BRAT1: variants seen among roughly 807,000 people sequenced by gnomAD.
BRAT1 encodes integrator complex assembly factor BRAT1.
Under a neutral mutation model 70.6 loss-of-function variants are expected in BRAT1, and 74 were observed. The ratio of observed to expected loss-of-function variants is 1.05; its 90% CI spans 0.87 to 1.27. BRAT1 has a LOEUF of 1.27. Ranked by LOEUF, BRAT1 falls within the 50% of genes most tolerant of loss-of-function variation. The pLI is 0.00. For synonymous variants in BRAT1, 615 were observed against 517.1 expected (o/e 1.19, Z -2.57); for missense variants, 1,203 against 1,098.2 (o/e 1.10, Z -1.35).
chr7:2,538,948 T>G, intron 13 of BRAT1, 184 bp from the exon 14 acceptor site: 2 of 1,449,290 alleles, frequency 1.4e-6, no homozygotes, highest in East Asian at 2.5e-5. Flanking sequence ...TACCCATCTG[T>G]CAAATGGAGG....
chr7:2,538,276 C>G lies in BRAT1; in HGVS notation c.2259G>C (p.Pro753=). The change falls in exon 14 of 14, where the codon CCG becomes CCC. Residue 753 remains proline, a synonymous_variant. Transcript: ENST00000340611. ...GGGCCTGCTCACCCGCCCGCCACCT[C>G]GGCAGGGTGGCCTCTGCGGAGGCAG... The part of the protein sequence containing the change: ...PNTASAEATL[P]RWRAGEQAQP... 6.2e-7 allele frequency: 1 copy of G among 1,611,768 alleles called. No individual in the cohort carries two copies. The highest frequency in any genetic ancestry group is 1.1e-5 in the South Asian group (1 of 91,046).
In BRAT1 at chr7:2,550,237, C is replaced by T. The variant is rs535330647; in HGVS notation, c.128-2759G>A. On this transcript the variant is annotated intron_variant, in intron 2 of 13. Transcript: ENST00000340611. ...ATTGCAGCGATTTGAGAGGCCAAGG[C>T]GGGCAGACTGCTTGAGCCCAGGAGT... 6.6e-5 allele frequency among the ~76,000 whole-genome samples: 10 copies of T among 150,622 alleles called. No individual in the cohort carries two copies. In the East Asian group the frequency reaches 1.2e-3, roughly 18 times the overall value.
rs1485917399 is a variant in BRAT1 at position 2,554,384 on chromosome 7, C to T, written c.48G>A (p.Leu16=). 2.5e-6 allele frequency: 4 copies of T among 1,614,008 alleles called. No individual in the cohort carries two copies. The South Asian group carries it at 4.4e-5, about 18-fold the overall frequency. The change falls in exon 2 of 14, where the codon CTG becomes CTA. Residue 16 remains leucine, a synonymous_variant. Coordinates refer to ENST00000340611, the MANE Select transcript of BRAT1 (RefSeq NM_152743.4). ...CTGCCACCGGCTGCCTGGGATCTAC[C>T]AGAACAGCACAGAGAGCCGGGAGCA... The part of the protein sequence containing the change: ...AQLLPALCAV[L]VDPRQPVADD...
At chr7:2,550,689 T>C (rs1174105459) in intron 2 of BRAT1, among the ~76,000 whole-genome samples, 1 of 151,842 alleles carries the variant, frequency 6.6e-6, no homozygotes, top group Non-Finnish European at 1.5e-5. Context: ...TTCCATCAAG[T>C]ACAATGCAGG....
rs561473667 is a variant in BRAT1, at chr7:2,540,175, C to T, written c.1396-287G>A. 42 of 376,124 alleles carry T rather than the reference C, an allele frequency of 1.1e-4. No homozygotes were observed. In the South Asian group the frequency reaches 2.1e-3, roughly 19 times the overall value. 23.3% of individuals were successfully genotyped at this position (376,124 alleles called of 1,614,324 possible). A position where few individuals can be genotyped will look rare whatever the true frequency, so the allele number is the denominator to read the frequency against. ...CTGGGGCTAGAGGCACACATCACCA[C>T]GCCTGGCTAATTTTTGCAGTCAAAT... On this transcript the variant is annotated intron_variant, in intron 10 of 13. Transcript: ENST00000340611.
Position 2,540,985 on chromosome 7 carries a change from G to C in BRAT1, c.1389C>G (p.Ser463Arg). ...TCTATCCCCACCACCGTACCGTGGG[G>C]CTGGAGCCGGGGCTCTCGAGGCACT... Reference protein sequence around the residue: ...LLECLESPGSSPTVLKKAFQA... With the variant: ...LLECLESPGSRPTVLKKAFQA... The change falls in exon 10 of 14, where the codon AGC becomes AGG. Residue 463 changes from serine (S) to arginine (R), a missense_variant. Transcript: ENST00000340611. 1 of 1,550,094 alleles carries C rather than the reference G, an allele frequency of 6.5e-7. No individual in the cohort carries two copies. The highest frequency in any genetic ancestry group is 8.6e-7 in the Non-Finnish European group (1 of 1,160,084).
At chr7:2,546,848 C>A (rs763315348) in intron 3 of BRAT1, among the ~76,000 whole-genome samples, 2 of 152,198 alleles carry the variant, frequency 1.3e-5, no homozygotes, top group Non-Finnish European at 2.9e-5. Context: ...TAGGCTGGGT[C>A]GCTGGAGGTG....
At chr7:2,542,566 C>T (rs3735105) in intron 6 of BRAT1, 6 of 294,464 alleles carry the variant, frequency 2.0e-5, no homozygotes, top group Middle Eastern at 3.9e-4. Context: ...CCTGCCCTCA[C>T]GTCTGGGCCT....
Position 2,549,346 on chromosome 7 carries a change from G to A in BRAT1, c.128-1868C>T, listed in dbSNP as rs562754106. Among the ~76,000 whole-genome samples the A allele has an allele frequency of 3.2e-3, 489 of 152,080 alleles. 3 individuals carry two copies. The highest frequency in any genetic ancestry group is 0.011 in the African/African-American group (464 of 41,474). On this transcript the variant is annotated intron_variant, in intron 2 of 13. Coordinates refer to ENST00000340611, the MANE Select transcript of BRAT1 (RefSeq NM_152743.4). ...ATAAAAATTCGCTGGGCATGGTGGC[G>A]CGCATCTATAGTCCCAGCTACACTG...
chr7:2,543,613 C>A lies in BRAT1; in HGVS notation c.780G>T (p.Val260=), dbSNP rs1024163754. The change falls in exon 5 of 14, where the codon GTG becomes GTT. Residue 260 remains valine, a synonymous_variant. Transcript: ENST00000340611. This position sits in a 1 kb window ranked among gnomAD's most constrained non-coding sequence, Gnocchi z 5.5. ...RDPIPAAHSF[V]DLLLCVARSP... ...ACCGAGCCACACAGAGAAGCAGGTC[C>A]ACGAACGAGTGTGCGGCGGGGATGG... The A allele has an allele frequency of 1.2e-5, 18 of 1,525,296 alleles. No homozygotes were observed. In the African/African-American group the frequency reaches 2.2e-4, roughly 19 times the overall value. 94.5% of individuals were successfully genotyped at this position (1,525,296 alleles called of 1,614,324 possible).
Position 2,545,007 on chromosome 7 carries a change from C to CG in BRAT1, c.331dup (p.Arg111ProfsTer80), listed in dbSNP as rs1562582577. 6.4e-7 allele frequency: 1 copy of CG among 1,551,678 alleles called. No homozygotes were observed. Among genetic ancestry groups the CG allele is most frequent in the African/African-American group, 1.4e-5 (1 of 73,178 alleles). ...CACGGTGGGGACGGCCCAGGTTGCT[C>CG]GGCCGAGGGGTCCTGGCTCCCCAAA... On this transcript the variant is annotated frameshift_variant, in exon 4 of 14. Coordinates refer to ENST00000340611, the MANE Select transcript of BRAT1 (RefSeq NM_152743.4). LOFTEE classifies it high-confidence loss of function.
At chr7:2,544,138 T>C in intron 4 of BRAT1, 176 bp from the exon 5 acceptor site, 1 of 393,036 alleles carries the variant, frequency 2.5e-6, no homozygotes, top group Non-Finnish European at 4.5e-6. Flanking sequence ...GACAAGCACC[T>C]CCTCCCCCCG....
chr7:2,543,103 G>A lies in BRAT1; in HGVS notation c.923+101C>T. On this transcript the variant is annotated intron_variant, in intron 6 of 13. Transcript: ENST00000340611. The surrounding 1 kb of genome is among the most constrained non-coding windows in gnomAD (Gnocchi z 5.5). The stretch of plus-strand genomic sequence containing the variant: ...CCCGCACGGCCGCCTGACTGTCCCT[G>A]GTGTCCGGAACTCCCCTGCCATGAG... 1.4e-6 allele frequency: 2 copies of A among 1,412,482 alleles called. No homozygotes were observed. Among genetic ancestry groups the A allele is most frequent in the Admixed American group, 5.2e-5 (2 of 38,302 alleles). 87.5% of individuals were successfully genotyped at this position (1,412,482 alleles called of 1,614,324 possible).
At chr7:2,546,361 G>A (rs953542743) in intron 3 of BRAT1, among the ~76,000 whole-genome samples, 1 of 152,148 alleles carries the variant, frequency 6.6e-6, no homozygotes, top group Non-Finnish European at 1.5e-5. Context: ...GGTCACTTGA[G>A]CCCAGGAGGT....
At chr7:2,554,657 C>T (rs77155625) in intron 1 of BRAT1, among the ~76,000 whole-genome samples, 4,561 of 152,272 alleles carry the variant, frequency 0.03, 99 homozygotes, top group South Asian at 0.077. Flanking sequence ...GCGCTGGTGG[C>T]GGGGCTGAAA....
chr7:2,554,955 G>C (rs529879994), intron 1 of BRAT1, among the ~76,000 whole-genome samples: 1 of 152,158 alleles, frequency 6.6e-6, no homozygotes, highest in East Asian at 1.9e-4. Flanking sequence ...AGGGGCGCCT[G>C]TCCGTGTGTC....
chr7:2,553,361 G>A (rs1164066824), intron 2 of BRAT1, among the ~76,000 whole-genome samples: 6 of 152,120 alleles, frequency 3.9e-5, no homozygotes, highest in African/African-American at 9.7e-5. Flanking sequence ...TGAAAAATGA[G>A]AAATATAAAC....
At chr7:2,555,103 G>C (rs1187306668) in intron 1 of BRAT1, among the ~76,000 whole-genome samples, 2 of 150,192 alleles carry the variant, frequency 1.3e-5, no homozygotes, top group African/African-American at 4.9e-5. Flanking sequence ...GCGGGGGGGA[G>C]AGGGGGGCGG....
Position 2,539,284 on chromosome 7 carries a change from C to G in BRAT1, c.1665G>C (p.Gln555His). 1.9e-6 allele frequency: 3 copies of G among 1,612,060 alleles called. No homozygotes were observed. Among genetic ancestry groups the G allele is most frequent in the East Asian group, 2.2e-5 (1 of 44,880 alleles). The change falls in exon 13 of 14, where the codon CAG becomes CAC. Residue 555 changes from glutamine (Q) to histidine (H), a missense_variant. By Grantham distance (24) the Gln-to-His change is conservative (BLOSUM62 0). Transcript: ENST00000340611. ...TCGCTCGGACATAACTCTCAGGGTC[C>G]TGGAGGAGCTGCAGGGCCAGCTGAG... ...EVPQLALQLL[Q>H]DPESYVRASA...
Sources: allele counts gnomAD v4.1 joint callset (sites outside exome capture counted in the v4.1 genomes callset), GRCh38; gene constraint gnomAD v4.1.1; non-coding constraint Gnocchi (gnomAD v3.1); transcripts MANE v1.5; gene names NCBI Gene and HGNC (gene_info 2026-07-23, HGNC 2026-07-21).